Variants in SVOP observed in about 807,000 individuals in gnomAD.
SVOP encodes synaptic vesicle 2-related protein.
In SVOP, 17 loss-of-function variants were observed where a neutral mutation model predicts 69.1. The observed-to-expected ratio is 0.25, with a 90% CI of 0.17 to 0.37. The LOEUF is 0.37. Among genes scored for constraint, SVOP ranks in the 10% least tolerant of loss-of-function variants. The pLI is 1.00. For missense variants in SVOP, 435 were observed against 597.5 expected (o/e 0.73, Z 2.84); for synonymous variants, 238 against 238.6 (o/e 1.00, Z 0.02).
chr12:108,943,411 G>A (rs1390383556), intron 7 of SVOP, among the ~76,000 whole-genome samples: 1 of 151,672 alleles, frequency 6.6e-6, no homozygotes, highest in Non-Finnish European at 1.5e-5. Flanking sequence ...GCCTGGCCAA[G>A]ATGGTAAAAC....
Position 108,977,441 on chromosome 12 carries a change from C to T in SVOP, c.338G>A (p.Cys113Tyr). ...ILSILAPQLH[C>Y]EWRLPSWQVA... ...CTGCCAGCTTGGGAGCCTCCACTCGCAATGCAGCTGTGGTGCCAGGATGCT... is the reference window on the plus strand; with the variant it reads ...CTGCCAGCTTGGGAGCCTCCACTCGTAATGCAGCTGTGGTGCCAGGATGCT... Residue 113 changes from cysteine to tyrosine, a missense_variant, in exon 4 of 16, where the codon TGC (cysteine) becomes TAC (tyrosine). Transcript: ENST00000610966. The T allele has an allele frequency of 6.5e-7, 1 of 1,537,232 alleles. No individual in the cohort carries two copies. Among genetic ancestry groups the T allele is most frequent in the Non-Finnish European group, 8.7e-7 (1 of 1,146,894 alleles).
At chr12:108,966,484 A>G (rs2040046342) in intron 5 of SVOP, among the ~76,000 whole-genome samples, 1 of 151,830 alleles carries the variant, frequency 6.6e-6, no homozygotes, top group African/African-American at 2.4e-5. Flanking sequence ...CAGGAATCTT[A>G]TAGCTGGGCC....
chr12:108,934,586 T>C (rs908263410), intron 10 of SVOP, among the ~76,000 whole-genome samples: 1 of 152,144 alleles, frequency 6.6e-6, no homozygotes, highest in Non-Finnish European at 1.5e-5. Flanking sequence ...CATTCCCAGA[T>C]GGTTACGCAT....
At chr12:108,943,970 C>T (rs2039908261) in intron 7 of SVOP, among the ~76,000 whole-genome samples, 1 of 151,976 alleles carries the variant, frequency 6.6e-6, no homozygotes, top group Non-Finnish European at 1.5e-5. Flanking sequence ...CAACTTCCAC[C>T]TCCTGGGTTC....
chr12:109,020,920 T>C lies in SVOP; in HGVS notation c.-52A>G, dbSNP rs1322364979. 5.7e-6 allele frequency: 4 copies of C among 706,990 alleles called. No individual in the cohort carries two copies. Among genetic ancestry groups the C allele is most frequent in the South Asian group, 3.0e-5 (2 of 66,268 alleles). The allele number at this position is 706,990 out of a possible 1,614,324, so 43.8% of individuals were successfully genotyped here. On this transcript the variant is annotated 5_prime_UTR_variant, in exon 1 of 16. Transcript: ENST00000610966. ...TCTCATGGCCCTTACATGGTAGTGG[T>C]GGATGACGAGCCCTCCGGTTTTCAG...
intron 1 of SVOP, among the ~76,000 whole-genome samples, chr12:109,010,511 T>C (rs1308453924): frequency 6.6e-6 from 1 of 152,008 alleles, no homozygotes; most frequent in African/African-American, 2.4e-5. Flanking sequence ...ACTATTGTGG[T>C]TTTTATTTTG....
chr12:108,969,476 C>T (rs187189194), intron 5 of SVOP, among the ~76,000 whole-genome samples: 3 of 151,250 alleles, frequency 2.0e-5, no homozygotes, highest in Non-Finnish European at 4.4e-5. Flanking sequence ...TACAGGCATG[C>T]GCCACCATGC....
At chr12:108,919,011 C>T (rs796603475) in intron 13 of SVOP, among the ~76,000 whole-genome samples, 2 of 148,282 alleles carry the variant, frequency 1.3e-5, no homozygotes, top group African/African-American at 5.0e-5. Context: ...CCTGCACCCC[C>T]ACTTGTACCC....
chr12:108,989,014 C>A (rs916056856), intron 1 of SVOP, among the ~76,000 whole-genome samples: 1 of 152,072 alleles, frequency 6.6e-6, no homozygotes, highest in Non-Finnish European at 1.5e-5. Flanking sequence ...CTCAAGTGAT[C>A]GGCCTGCCTT....
chr12:109,003,767 C>T (rs1256760503), intron 1 of SVOP, among the ~76,000 whole-genome samples: 3 of 152,148 alleles, frequency 2.0e-5, no homozygotes, highest in African/African-American at 7.2e-5. Flanking sequence ...GCCACCGTAT[C>T]CAGCCAATTT....
chr12:108,995,528 T>C (rs971635642), intron 1 of SVOP, among the ~76,000 whole-genome samples: 2 of 152,180 alleles, frequency 1.3e-5, no homozygotes, highest in Non-Finnish European at 2.9e-5. Flanking sequence ...TAGTGTTTAA[T>C]GAGTACAGTT....
chr12:108,916,078 G>C (rs544365217), intron 14 of SVOP, among the ~76,000 whole-genome samples: 2 of 152,162 alleles, frequency 1.3e-5, no homozygotes, highest in Non-Finnish European at 2.9e-5. Flanking sequence ...GCTGAGCTGC[G>C]GGTGGGAACC....
intron 6 of SVOP, among the ~76,000 whole-genome samples, chr12:108,946,778 G>A (rs759242734): frequency 1.3e-5 from 2 of 151,270 alleles, no homozygotes; most frequent in Non-Finnish European, 2.9e-5. Context: ...GAGTGCAGTG[G>A]CATAATCTTG....
chr12:108,991,605 G>T (rs541431164), intron 1 of SVOP, among the ~76,000 whole-genome samples: 1 of 151,902 alleles, frequency 6.6e-6, no homozygotes, highest in South Asian at 2.1e-4. Context: ...ATAGGCATGT[G>T]CCACCACGCC....
At chr12:109,002,854 T>G (rs2040280914) in intron 1 of SVOP, among the ~76,000 whole-genome samples, 1 of 150,402 alleles carries the variant, frequency 6.6e-6, no homozygotes, top group South Asian at 2.1e-4. Flanking sequence ...ATATACCTAA[T>G]GCTAGATGAC....
At position 108,942,270 on chromosome 12, in the gene SVOP, A is replaced by G. The variant is rs551233001; in HGVS notation, c.643-1361T>C. ...GTTGACAGACACTCGGGTTGCTTCC[A>G]TGTCTTAGCTAGTGTGAATAACACG... On this transcript the variant is annotated intron_variant, in intron 7 of 15. Transcript: ENST00000610966. Among the ~76,000 whole-genome samples, 101 of 152,308 alleles carry G rather than the reference A, an allele frequency of 6.6e-4. 1 individual carries two copies. The highest frequency in any genetic ancestry group is 2.3e-3 in the African/African-American group (97 of 41,574).
At chr12:108,951,356 C>T (rs1383839694) in intron 6 of SVOP, among the ~76,000 whole-genome samples, 1 of 152,130 alleles carries the variant, frequency 6.6e-6, no homozygotes, top group Admixed American at 6.5e-5. Flanking sequence ...GGGCCCAGTG[C>T]CAACCTGTAT....
At chr12:108,964,495 C>G (rs1212384677) in intron 5 of SVOP, among the ~76,000 whole-genome samples, 1 of 151,736 alleles carries the variant, frequency 6.6e-6, no homozygotes, top group Non-Finnish European at 1.5e-5. Flanking sequence ...GGGAGTTAAC[C>G]CTCCTTCAAG....
intron 1 of SVOP, among the ~76,000 whole-genome samples, chr12:109,002,690 C>T (rs540397776): frequency 6.6e-6 from 1 of 151,700 alleles, no homozygotes; most frequent in South Asian, 2.1e-4. Flanking sequence ...TCATCTTTCT[C>T]AGTAAACTAC....
Sources: gnomAD v4.1 joint callset for allele counts (sites outside exome capture counted in the v4.1 genomes callset) on GRCh38, gnomAD v4.1.1 for gene constraint, MANE v1.5 for transcripts, NCBI Gene and HGNC (gene_info 2026-07-23, HGNC 2026-07-21) for gene names.